The following KSR2 variants were observed in gnomAD, a reference collection of about 807,000 sequenced individuals.
The protein encoded by KSR2 is kinase suppressor of ras 2.
A neutral mutation model predicts 107.8 loss-of-function variants in KSR2; 25 were observed. The ratio of observed to expected loss-of-function variants is 0.23; its 90% confidence interval spans 0.17 to 0.32. KSR2 has a LOEUF of 0.32. Among genes scored for constraint, KSR2 ranks in the 10% least tolerant of loss-of-function variants. KSR2 has a pLI of 1.00. For synonymous variants in KSR2, 480 were observed against 507.0 expected, an observed-to-expected ratio of 0.95 and a Z score of 0.71; for missense variants, 887 against 1,268.9, an observed-to-expected ratio of 0.70 and a Z score of 4.57.
chr12:117,527,021 G>A, intron 13 of KSR2, 50 bp downstream of exon 13: 1 of 1,562,862 alleles, frequency 6.4e-7, no homozygotes, highest in Non-Finnish European at 8.8e-7. Flanking sequence ...GCTTTGCCAA[G>A]TTCTGGGCAG....
At chr12:117,836,732 T>C (rs767714093) in intron 3 of KSR2, among the ~76,000 whole-genome samples, 1 of 152,156 alleles carries the variant, frequency 6.6e-6, no homozygotes, top group Non-Finnish European at 1.5e-5. Flanking sequence ...TTTTTATCAG[T>C]GCACCCCACT....
intron 4 of KSR2, among the ~76,000 whole-genome samples, chr12:117,729,156 T>A (rs1044176825): frequency 6.6e-6 from 1 of 151,702 alleles, no homozygotes; most frequent in Non-Finnish European, 1.5e-5. Context: ...TTTTTTTTTT[T>A]ACCAGTAAGA....
Position 117,575,370 on chromosome 12 carries a change from C to T in KSR2, c.1325+3749G>A, listed in dbSNP as rs565644838. On this transcript the variant is annotated intron_variant, in intron 7 of 19. Coordinates refer to ENST00000339824, the MANE Select transcript of KSR2 (RefSeq NM_173598.6). The stretch of plus-strand genomic sequence containing the variant: ...CTCTCTGAAATGTCACCTGTCACGG[C>T]TCTTTATGTGTACACTTTCATTTTA... Among the ~76,000 whole-genome samples the T allele has an allele frequency of 3.3e-5, 5 of 152,302 alleles. No individual in the cohort carries two copies. In the South Asian group the frequency reaches 1.0e-3, roughly 32 times the overall value.
rs1878837797 is a variant in KSR2 at position 117,570,778 on chromosome 12, CAG to C, written c.1325+8339_1325+8340del. 2.6e-5 allele frequency among the ~76,000 whole-genome samples: 4 copies of C among 152,306 alleles called. No homozygotes were observed. The South Asian group carries it at 8.3e-4, about 32-fold the overall frequency. Reference sequence around the variant, plus strand: ...TGAATGTGTTAGCCTCACTGTGTATCAGAGAGGTTTAGAAACCTTCCTAGAGT... The same window carrying C: ...TGAATGTGTTAGCCTCACTGTGTATCAGAGGTTTAGAAACCTTCCTAGAGT... On this transcript the variant is annotated intron_variant, in intron 7 of 19. Transcript: ENST00000339824.
intron 4 of KSR2, among the ~76,000 whole-genome samples, chr12:117,750,877 T>C (rs1430670288): frequency 6.6e-6 from 1 of 152,262 alleles, no homozygotes; most frequent in Non-Finnish European, 1.5e-5. Context: ...ATGGCATATA[T>C]GTACCACATT....
chr12:117,891,167 A>G (rs151250568), intron 1 of KSR2, among the ~76,000 whole-genome samples: 6,011 of 152,242 alleles, frequency 0.039, 329 homozygotes, highest in African/African-American at 0.13. Flanking sequence ...TGTAATCCCA[A>G]CACTTTGGGA....
chr12:117,828,216 T>C lies in KSR2; in HGVS notation c.472+27212A>G, dbSNP rs78565925. Among the ~76,000 whole-genome samples, 1,370 of 152,260 alleles carry C rather than the reference T, an allele frequency of 9.0e-3. 12 individuals are homozygous for C. Among genetic ancestry groups the C allele is most frequent in the Admixed American group, 0.018 (280 of 15,300 alleles). Reference sequence around the variant, plus strand: ...CCGGTATGCAGTAACACTTGGGAAGTGTCACCTCAATACCAACTCTTCCCT... The same window carrying C: ...CCGGTATGCAGTAACACTTGGGAAGCGTCACCTCAATACCAACTCTTCCCT... On this transcript the variant is annotated intron_variant, in intron 3 of 19. Transcript: ENST00000339824.
chr12:117,725,635 C>A (rs1328268517), intron 4 of KSR2, among the ~76,000 whole-genome samples: 1 of 152,070 alleles, frequency 6.6e-6, no homozygotes, highest in Non-Finnish European at 1.5e-5. Context: ...TTTCTTAGGA[C>A]ACAAAAAGCA....
chr12:117,848,517 G>T (rs536586066), intron 3 of KSR2, among the ~76,000 whole-genome samples: 8 of 152,334 alleles, frequency 5.3e-5, no homozygotes, highest in East Asian at 1.9e-4. Flanking sequence ...GCCAGGGAAT[G>T]GTAGGTTACC....
chr12:117,567,169 A>G (rs534074721), intron 7 of KSR2, among the ~76,000 whole-genome samples: 1 of 152,216 alleles, frequency 6.6e-6, no homozygotes, highest in Non-Finnish European at 1.5e-5. Flanking sequence ...ATATGGTGTG[A>G]CAGAAAAGGG....
At chr12:117,556,514 G>A (rs573776807) in intron 8 of KSR2, among the ~76,000 whole-genome samples, 1 of 152,306 alleles carries the variant, frequency 6.6e-6, no homozygotes, top group African/African-American at 2.4e-5. Flanking sequence ...GTCTTCACTT[G>A]CAATTTTCTC....
At chr12:117,659,958 C>T (rs561398824) in intron 5 of KSR2, among the ~76,000 whole-genome samples, 12 of 152,210 alleles carry the variant, frequency 7.9e-5, no homozygotes, top group Admixed American at 3.3e-4. Context: ...CACATCTCCA[C>T]GCAGCCACAC....
rs11308554 is a variant in KSR2 at position 117,850,808 on chromosome 12, C to CAAA, written c.472+4617_472+4619dup. On this transcript the variant is annotated intron_variant, in intron 3 of 19. Coordinates refer to ENST00000339824, the MANE Select transcript of KSR2 (RefSeq NM_173598.6). ...TGGGCAACAAAGCAAGACCCCATCT[C>CAAA]AAAAAAAAAAAAAATACACATGTAT... Among the ~76,000 whole-genome samples, 258 of 140,136 alleles carry CAAA rather than the reference C, an allele frequency of 1.8e-3. 1 individual carries two copies. Among genetic ancestry groups the CAAA allele is most frequent in the Middle Eastern group, 3.6e-3 (1 of 278 alleles). The allele number at this position is 140,136 out of a possible 152,430, so 91.9% of individuals were successfully genotyped here.
chr12:117,794,529 AC>A (rs1015994382), intron 3 of KSR2, among the ~76,000 whole-genome samples: 1 of 144,256 alleles, frequency 6.9e-6, no homozygotes, highest in Non-Finnish European at 1.5e-5. Flanking sequence ...ACCAACATGC[AC>A]ACACAACATG....
chr12:117,734,052 A>G (rs896731629), intron 4 of KSR2, among the ~76,000 whole-genome samples: 5 of 152,174 alleles, frequency 3.3e-5, no homozygotes, highest in Non-Finnish European at 4.4e-5. Flanking sequence ...AGGCTGAGGC[A>G]GGCAGATCAC....
intron 13 of KSR2, 78 bp downstream of exon 13, chr12:117,526,992 TC>T: frequency 2.5e-6 from 3 of 1,212,766 alleles, no homozygotes; most frequent in Non-Finnish European, 3.7e-6. Flanking sequence ...GCCCTCTGCG[TC>T]ATCCAAAACG....
chr12:117,581,045 T>C (rs570549586), intron 6 of KSR2, among the ~76,000 whole-genome samples: 1 of 152,332 alleles, frequency 6.6e-6, no homozygotes, highest in Non-Finnish European at 1.5e-5. Flanking sequence ...GATGCCTTTC[T>C]CTCTGCAGCT....
At chr12:117,492,460 G>A (rs1209089852) in intron 14 of KSR2, among the ~76,000 whole-genome samples, 2 of 148,554 alleles carry the variant, frequency 1.3e-5, no homozygotes, top group Admixed American at 1.3e-4. Flanking sequence ...CCACCTCTGA[G>A]GACTGACACC....
At chr12:117,828,617 C>T (rs556072986) in intron 3 of KSR2, among the ~76,000 whole-genome samples, 3 of 152,356 alleles carry the variant, frequency 2.0e-5, no homozygotes, top group South Asian at 4.1e-4. Flanking sequence ...CCCGGACCTG[C>T]CCTTGCGGCC....
Sources: gnomAD v4.1 joint callset for allele counts (sites outside exome capture counted in the v4.1 genomes callset) on GRCh38, gnomAD v4.1.1 for gene constraint, MANE v1.5 for transcripts, NCBI Gene and HGNC (gene_info 2026-07-23, HGNC 2026-07-21) for gene names.